Variants in FABP3 observed in about 807,000 individuals in gnomAD.
The protein encoded by FABP3 is fatty acid-binding protein, heart.
A neutral mutation model predicts 13.4 loss-of-function variants in FABP3; 8 were observed. The observed-to-expected ratio is 0.60, with a 90% CI of 0.35 to 1.07. The LOEUF (loss-of-function observed/expected upper bound fraction) is 1.07. Ranked by LOEUF, FABP3 falls within the 50% of genes least tolerant of loss-of-function variation. FABP3 has a pLI of 0.02. For synonymous variants in FABP3, 64 were observed against 60.0 expected, an observed-to-expected ratio of 1.07 and a Z score of -0.31; for missense variants, 135 against 164.7, an observed-to-expected ratio of 0.82 and a Z score of 0.99.
Position 31,372,811 on chromosome 1 carries a change from C to T in FABP3, c.73+131G>A, listed in dbSNP as rs1640230764. The T allele has an allele frequency of 3.5e-6, 3 of 861,408 alleles. No individual in the cohort carries two copies. The South Asian group carries it at 4.6e-5, about 13-fold the overall frequency. The allele number at this position is 861,408 out of a possible 1,614,324, so 53.4% of individuals were successfully genotyped here. ...TGAACAGGCCCCACCTGCTCTAGGCCAGGCTGCCATCTCCGCGCTCCCCTA... is the reference window on the plus strand; with the variant it reads ...TGAACAGGCCCCACCTGCTCTAGGCTAGGCTGCCATCTCCGCGCTCCCCTA... On this transcript the variant is annotated intron_variant, in intron 1 of 3. Coordinates refer to ENST00000373713, the MANE Select transcript of FABP3 (RefSeq NM_004102.5).
chr1:31,362,649 CTTA>C (rs1411999758), downstream of FABP3, among the ~76,000 whole-genome samples: 1 of 152,158 alleles, frequency 6.6e-6, no homozygotes, highest in Non-Finnish European at 1.5e-5. Context: ...CAAGTACAGG[CTTA>C]TTATTTGATG....
rs183662956 is a variant in FABP3 at position 31,373,045 on chromosome 1, C to G, written c.-31G>C. The G allele has an allele frequency of 2.6e-4, 422 of 1,611,606 alleles. 4 individuals carry two copies. In the South Asian group the frequency reaches 4.3e-3, roughly 16 times the overall value. On this transcript the variant is annotated 5_prime_UTR_variant, in exon 1 of 4. Transcript: ENST00000373713. ...TGCTGGGCTAGGCTGAGAGAAGCTA[C>G]AAGAGAGCAGGCGTGCAAGGGCTCC...
chr1:31,369,285 C>T, intron 2 of FABP3, 100 bp downstream of exon 2: 1 of 1,224,878 alleles, frequency 8.2e-7, no homozygotes, highest in Non-Finnish European at 1.2e-6. Context: ...CCATGATAGT[C>T]TGCCCCTCAG....
At chr1:31,372,249 G>A (rs1044014339) in intron 1 of FABP3, among the ~76,000 whole-genome samples, 2 of 152,094 alleles carry the variant, frequency 1.3e-5, no homozygotes. Context: ...GGTGAGCCTT[G>A]GGTTGCAGGA....
chr1:31,364,493 G>A, downstream of FABP3: 1 of 375,790 alleles, frequency 2.7e-6, no homozygotes. Flanking sequence ...CTCTCCAGCT[G>A]CCACTGCCAG....
At chr1:31,361,786 A>ATTATTTATTTATTTAT (rs3049344), downstream of FABP3, among the ~76,000 whole-genome samples, 1 of 145,814 alleles carries the variant, frequency 6.9e-6, no homozygotes, top group Non-Finnish European at 1.5e-5. Context: ...AGAGGGGGAG[A>ATTATTTATTTATTTAT]TTATTTATTT....
At chr1:31,360,371 G>C (rs1261718425), downstream of FABP3, among the ~76,000 whole-genome samples, 1 of 152,214 alleles carries the variant, frequency 6.6e-6, no homozygotes, top group African/African-American at 2.4e-5. Flanking sequence ...GTTTCTTCAT[G>C]TTGGTCAGGC....
chr1:31,366,853 C>G (rs750807835), intron 3 of FABP3, among the ~76,000 whole-genome samples: 6 of 152,142 alleles, frequency 3.9e-5, no homozygotes, highest in Non-Finnish European at 5.9e-5. Flanking sequence ...CATTCAGTGT[C>G]CCCACCAGTC....
At chr1:31,363,741 C>CCACT (rs763708712), downstream of FABP3, among the ~76,000 whole-genome samples, 1 of 152,166 alleles carries the variant, frequency 6.6e-6, no homozygotes, top group Non-Finnish European at 1.5e-5. Context: ...GTGATCGTGC[C>CCACT]ACTGCACTGC....
chr1:31,367,153 C>T (rs1326440803), intron 3 of FABP3, among the ~76,000 whole-genome samples: 3 of 152,182 alleles, frequency 2.0e-5, no homozygotes, highest in African/African-American at 7.2e-5. Context: ...TACAGTTGCA[C>T]TTGGAAAAGG....
intron 2 of FABP3, 43 bp from the exon 3 acceptor site, chr1:31,367,537 G>A: frequency 2.0e-6 from 3 of 1,527,462 alleles, no homozygotes; most frequent in Non-Finnish European, 2.7e-6. Context: ...TCTTAGTCAG[G>A]AATTGAGGGG....
intron 2 of FABP3, among the ~76,000 whole-genome samples, chr1:31,368,080 G>A (rs1029475118): frequency 6.6e-6 from 1 of 152,190 alleles, no homozygotes; most frequent in Admixed American, 6.5e-5. Context: ...TCCTGTGACT[G>A]GATGCCCTTG....
chr1:31,364,126 C>G, downstream of FABP3: 1 of 1,613,764 alleles, frequency 6.2e-7, no homozygotes, highest in Non-Finnish European at 8.5e-7. Context: ...AGGCACACAT[C>G]AAAAGACAGC....
Position 31,365,272 on chromosome 1 carries a change from G to T in FABP3, c.*614C>A, listed in dbSNP as rs752833783. ...TCCCACCACCATGGTACAAGCCTGG[G>T]TTCTGTGCCCTGAACCTGAATTCTG... On this transcript the variant is annotated 3_prime_UTR_variant, in exon 4 of 4. Transcript: ENST00000373713. Among the ~76,000 whole-genome samples, 16 of 152,192 alleles carry T rather than the reference G, an allele frequency of 1.1e-4. No individual in the cohort carries two copies. The highest frequency in any genetic ancestry group is 1.5e-4 in the Non-Finnish European group (10 of 68,038).
In FABP3 at chr1:31,367,425, C is replaced by T; in HGVS notation, c.316G>A (p.Val106Met). Residue 106 changes from valine (V) to methionine (M), a missense_variant, in exon 3 of 4, where the codon GTG becomes ATG. By Grantham distance (21) the Val-to-Met change is conservative. Coordinates refer to ENST00000373713, the MANE Select transcript of FABP3 (RefSeq NM_004102.5). ...QKWDGQETTL[V>M]RELIDGKLIL... Reference sequence around the variant, plus strand: ...AGTTTTCCATCAATTAGCTCCCGCACAAGTGTGGTCTCTTGCCCGTCCCAT... The same window carrying T: ...AGTTTTCCATCAATTAGCTCCCGCATAAGTGTGGTCTCTTGCCCGTCCCAT... The T allele has an allele frequency of 1.2e-6, 2 of 1,614,206 alleles. No homozygotes were observed. Among genetic ancestry groups the T allele is most frequent in the Non-Finnish European group, 1.7e-6 (2 of 1,180,018 alleles).
Position 31,365,625 on chromosome 1 carries a change from T to C in FABP3, c.*261A>G, listed in dbSNP as rs557051059. 2 of 430,050 alleles carry C rather than the reference T, an allele frequency of 4.7e-6. No homozygotes were observed. Among genetic ancestry groups the C allele is most frequent in the South Asian group, 5.1e-5 (2 of 38,996 alleles). The allele number at this position is 430,050 out of a possible 1,614,324, so 26.6% of individuals were successfully genotyped here. On this transcript the variant is annotated 3_prime_UTR_variant, in exon 4 of 4. Transcript: ENST00000373713. ...ACAGGATAAACCAAGACTCCCAGAGTTATGTTACCAAAGGCAAAAAGGCAA... is the reference window on the plus strand; with the variant it reads ...ACAGGATAAACCAAGACTCCCAGAGCTATGTTACCAAAGGCAAAAAGGCAA...
downstream of FABP3, among the ~76,000 whole-genome samples, chr1:31,362,979 CTCTGTGTAT>C (rs921553957): frequency 3.0e-4 from 45 of 152,230 alleles, no homozygotes; most frequent in Middle Eastern, 6.8e-3. Flanking sequence ...TTTCAGTGTT[CTCTGTGTAT>C]ACTAAATATA....
At chr1:31,366,820 T>G (rs1640121685) in intron 3 of FABP3, among the ~76,000 whole-genome samples, 1 of 152,070 alleles carries the variant, frequency 6.6e-6, no homozygotes, top group African/African-American at 2.4e-5. Flanking sequence ...AGGACTAGAA[T>G]GGGGAAGAAA....
At chr1:31,367,611 T>A in intron 2 of FABP3, 117 bp from the exon 3 acceptor site, 1 of 837,654 alleles carries the variant, frequency 1.2e-6, no homozygotes, top group Non-Finnish European at 2.0e-6. Context: ...AGTGATGGTG[T>A]GAGGACAAGA....
Sources: allele counts gnomAD v4.1 joint callset (sites outside exome capture counted in the v4.1 genomes callset), GRCh38; gene constraint gnomAD v4.1.1; transcripts MANE v1.5; gene names NCBI Gene and HGNC (gene_info 2026-07-23, HGNC 2026-07-21).